The following DLGAP1 variants were observed in gnomAD, a reference collection of about 807,000 sequenced individuals.
The protein encoded by DLGAP1 is disks large-associated protein 1.
A neutral mutation model predicts 90.8 loss-of-function variants in DLGAP1; 11 were observed. That is an observed-to-expected ratio of 0.12 (90% CI 0.08 to 0.20). The LOEUF (loss-of-function observed/expected upper bound fraction) is 0.20, where lower values mean the gene tolerates loss of function less well. DLGAP1 is among the 10% of genes least tolerant of loss of function. The pLI, the probability that DLGAP1 is intolerant of heterozygous loss-of-function variation, is 1.00. For synonymous variants in DLGAP1, 558 were observed against 540.7 expected (o/e 1.03, Z -0.44); for missense variants, 1,050 against 1,333.8 (o/e 0.79, Z 3.31).
intron 1 of DLGAP1, among the ~76,000 whole-genome samples, chr18:4,296,162 C>T (rs531109134): frequency 5.8e-4 from 88 of 152,304 alleles, no homozygotes; most frequent in Non-Finnish European, 8.5e-4. Flanking sequence ...CACCACCCTG[C>T]GTCTTAATTT....
intron 5 of DLGAP1, among the ~76,000 whole-genome samples, chr18:3,779,994 G>A (rs2148114035): frequency 6.6e-6 from 1 of 151,800 alleles, no homozygotes; most frequent in East Asian, 1.9e-4. Flanking sequence ...CTATATGTTG[G>A]CCAGGCTGGT....
intron 2 of DLGAP1, among the ~76,000 whole-genome samples, chr18:4,145,526 C>G (rs2076570966): frequency 6.6e-6 from 1 of 152,118 alleles, no homozygotes; most frequent in African/African-American, 2.4e-5. Flanking sequence ...TTTCTGCTGA[C>G]AAGTGCTGGG....
intron 1 of DLGAP1, among the ~76,000 whole-genome samples, chr18:4,211,103 G>A (rs2077831551): frequency 1.3e-5 from 2 of 152,180 alleles, no homozygotes; most frequent in Non-Finnish European, 2.9e-5. Context: ...CCTGAGTTCT[G>A]AAGCTCGAGA....
At chr18:3,513,487 G>A (rs1368621196) in intron 10 of DLGAP1, among the ~76,000 whole-genome samples, 2 of 152,182 alleles carry the variant, frequency 1.3e-5, no homozygotes, top group East Asian at 3.9e-4. Context: ...CAGTGCCAAT[G>A]GATAGGGGTG....
chr18:4,134,469 AATG>A (rs771456917), intron 2 of DLGAP1, among the ~76,000 whole-genome samples: 2 of 152,166 alleles, frequency 1.3e-5, no homozygotes, highest in Non-Finnish European at 2.9e-5. Flanking sequence ...AGTGAAAAAT[AATG>A]ATAATACAAA....
intron 1 of DLGAP1, among the ~76,000 whole-genome samples, chr18:4,410,813 T>A (rs999977380): frequency 1.3e-5 from 2 of 152,130 alleles, no homozygotes; most frequent in Non-Finnish European, 2.9e-5. Context: ...CATCGATGGA[T>A]CTCACAATTA....
chr18:3,592,843 C>CAAA (rs56871583), intron 7 of DLGAP1, among the ~76,000 whole-genome samples: 1 of 42,594 alleles, frequency 2.3e-5, no homozygotes, highest in Non-Finnish European at 4.9e-5. Flanking sequence ...GACCCTGCCT[C>CAAA]AAAAAAAAAA....
Position 3,761,214 on chromosome 18 carries a change from C to T in DLGAP1, c.1173-18702G>A, listed in dbSNP as rs563505865. Among the ~76,000 whole-genome samples the T allele has an allele frequency of 2.0e-5, 3 of 152,282 alleles. No individual in the cohort carries two copies. The South Asian group carries it at 6.2e-4, about 32-fold the overall frequency. On this transcript the variant is annotated intron_variant, in intron 5 of 12. Transcript: ENST00000315677. Reference sequence around the variant, plus strand: ...AGTTTTTTCTTATCCCAAACTGAAACCCTGTACCCATTAGACACGAACTCC... The same window carrying T: ...AGTTTTTTCTTATCCCAAACTGAAATCCTGTACCCATTAGACACGAACTCC...
chr18:4,040,996 G>A (rs1392654804), intron 2 of DLGAP1, among the ~76,000 whole-genome samples: 1 of 152,176 alleles, frequency 6.6e-6, no homozygotes, highest in African/African-American at 2.4e-5. Flanking sequence ...TGCCTGAACA[G>A]ACATGGAGTC....
At chr18:3,833,635 T>A (rs975615249) in intron 4 of DLGAP1, among the ~76,000 whole-genome samples, 1 of 152,198 alleles carries the variant, frequency 6.6e-6, no homozygotes, top group Non-Finnish European at 1.5e-5. Flanking sequence ...TTGGGTATCA[T>A]GAAATATTTA....
rs145204369 is a variant in DLGAP1, at chr18:4,011,014, A to G, written c.-158-5813T>C. On this transcript the variant is annotated intron_variant, in intron 2 of 12. Coordinates refer to ENST00000315677, the MANE Select transcript of DLGAP1 (RefSeq NM_004746.4). ...AACATGGTGAAATCCCGTCTCTACT[A>G]AAAATACAAAAATTAGCCGGTCGTG... Among the ~76,000 whole-genome samples the G allele has an allele frequency of 3.9e-5, 6 of 151,984 alleles. No homozygotes were observed. In the East Asian group the frequency reaches 1.2e-3, roughly 29 times the overall value.
At chr18:3,926,559 C>T (rs953137654) in intron 3 of DLGAP1, among the ~76,000 whole-genome samples, 1 of 151,546 alleles carries the variant, frequency 6.6e-6, no homozygotes, top group Non-Finnish European at 1.5e-5. Context: ...TCTCTCTATA[C>T]ATATGTGTGT....
At chr18:4,012,855 T>C (rs1421985065) in intron 2 of DLGAP1, among the ~76,000 whole-genome samples, 1 of 151,862 alleles carries the variant, frequency 6.6e-6, no homozygotes, top group African/African-American at 2.4e-5. Context: ...TGCGCCACCA[T>C]GGCCAGCTAA....
intron 3 of DLGAP1, among the ~76,000 whole-genome samples, chr18:3,985,133 T>C (rs2073816677): frequency 6.6e-6 from 1 of 152,200 alleles, no homozygotes; most frequent in Non-Finnish European, 1.5e-5. Context: ...TGCATCTGCC[T>C]CCTTGAGTTC....
intron 1 of DLGAP1, among the ~76,000 whole-genome samples, chr18:4,328,820 T>C (rs1275039571): frequency 6.6e-6 from 1 of 152,016 alleles, no homozygotes; most frequent in East Asian, 1.9e-4. Context: ...CTTAGGTACT[T>C]ATTTGGCATT....
At chr18:3,698,293 A>G (rs530641605) in intron 7 of DLGAP1, among the ~76,000 whole-genome samples, 1 of 152,230 alleles carries the variant, frequency 6.6e-6, no homozygotes, top group South Asian at 2.1e-4. Flanking sequence ...TGGTCTTTAC[A>G]ATTTGATATG....
At chr18:3,927,558 A>C (rs1317348487) in intron 3 of DLGAP1, among the ~76,000 whole-genome samples, 1 of 152,214 alleles carries the variant, frequency 6.6e-6, no homozygotes, top group African/African-American at 2.4e-5. Flanking sequence ...AGGCTAAATA[A>C]ATTTTTATCG....
intron 7 of DLGAP1, among the ~76,000 whole-genome samples, chr18:3,720,053 T>C (rs1245165227): frequency 3.3e-5 from 5 of 152,220 alleles, no homozygotes; most frequent in Non-Finnish European, 7.3e-5. Context: ...TTGTCAGACA[T>C]ACATCTCTAC....
chr18:3,869,508 A>G (rs1281650356), intron 4 of DLGAP1, among the ~76,000 whole-genome samples: 1 of 152,224 alleles, frequency 6.6e-6, no homozygotes, highest in East Asian at 1.9e-4. Context: ...GTAAGCCATG[A>G]TCACACCACT....
Sources: allele counts gnomAD v4.1 joint callset (sites outside exome capture counted in the v4.1 genomes callset), GRCh38; gene constraint gnomAD v4.1.1; transcripts MANE v1.5; gene names NCBI Gene and HGNC (gene_info 2026-07-23, HGNC 2026-07-21).